The following RYR3 variants were observed in gnomAD, a reference collection of about 807,000 sequenced individuals.
RYR3 encodes the protein ryanodine receptor 3.
Under a neutral mutation model 584.3 loss-of-function variants are expected in RYR3, and 207 were observed. The observed-to-expected ratio is 0.35, with a 90% CI of 0.32 to 0.40. The LOEUF is 0.40. RYR3 is among the 10% of genes least tolerant of loss of function. RYR3 has a pLI of 1.00. For missense variants in RYR3, 5,616 were observed against 6,089.2 expected, an observed-to-expected ratio of 0.92 and a Z score of 2.59; for synonymous variants, 2,416 against 2,248.5, an observed-to-expected ratio of 1.07 and a Z score of -2.11.
intron 10 of RYR3, among the ~76,000 whole-genome samples, chr15:33,555,210 A>T (rs994149180): frequency 1.3e-5 from 2 of 152,190 alleles, no homozygotes; most frequent in African/African-American, 4.8e-5. Flanking sequence ...TTGCAGCCAC[A>T]GCACCCCTAA....
rs776277983 is a variant in RYR3 at position 33,566,646 on chromosome 15, C to T, written c.1147-32C>T. 6 of 1,612,174 alleles carry T rather than the reference C, an allele frequency of 3.7e-6. No homozygotes were observed. The South Asian group carries it at 6.6e-5, about 18-fold the overall frequency. On this transcript the variant is annotated intron_variant, in intron 11 of 103. Transcript: ENST00000634891. Reference sequence around the variant, plus strand: ...CTGCCCATATGTGGAATAATTGTAACCTAGAGCTCCCGTCCCTTGCCCTGT... The same window carrying T: ...CTGCCCATATGTGGAATAATTGTAATCTAGAGCTCCCGTCCCTTGCCCTGT...
intron 94 of RYR3, chr15:33,849,818 T>C (rs1451662235): frequency 6.6e-6 from 1 of 152,174 alleles, no homozygotes; most frequent in African/African-American, 2.4e-5. Context: ...TTTATTTCTT[T>C]ATATTCTCCA....
chr15:33,682,433 T>C lies in RYR3; in HGVS notation c.5860+11877T>C, dbSNP rs146837742. On this transcript the variant is annotated intron_variant, in intron 38 of 103. Coordinates refer to ENST00000634891, the MANE Select transcript of RYR3 (RefSeq NM_001036.6). Reference sequence around the variant, plus strand: ...ATACAGTGCCTTGGAAATATTTCCATTCTGAGTTAGCCTGAATAATCATTT... The same window carrying C: ...ATACAGTGCCTTGGAAATATTTCCACTCTGAGTTAGCCTGAATAATCATTT... Among the ~76,000 whole-genome samples, 481 of 152,270 alleles carry C rather than the reference T, an allele frequency of 3.2e-3. 4 individuals are homozygous for C. The highest frequency in any genetic ancestry group is 0.011 in the African/African-American group (468 of 41,552).
chr15:33,540,674 G>C, intron 6 of RYR3, 117 bp from the exon 7 acceptor site: 2 of 667,156 alleles, frequency 3.0e-6, no homozygotes, highest in East Asian at 2.7e-5. Context: ...AGGCTGTATA[G>C]AAAGAACCAG....
At chr15:33,601,259 C>A (rs2059646422) in intron 16 of RYR3, among the ~76,000 whole-genome samples, 160 bp from the exon 17 acceptor site, 1 of 152,164 alleles carries the variant, frequency 6.6e-6, no homozygotes, top group Non-Finnish European at 1.5e-5. Flanking sequence ...ATCACTCGCT[C>A]CTTCTGGGTA....
At chr15:33,833,631 G>C (rs553761693) in intron 86 of RYR3, among the ~76,000 whole-genome samples, 49 of 152,324 alleles carry the variant, frequency 3.2e-4, no homozygotes, top group Admixed American at 4.6e-4. Context: ...CTTATCTTCA[G>C]AACTTCCCAT....
chr15:33,629,816 C>T, intron 21 of RYR3, 124 bp from the exon 22 acceptor site: 1 of 581,194 alleles, frequency 1.7e-6, no homozygotes, highest in Non-Finnish European at 3.1e-6. Context: ...TAGCAAGTTG[C>T]TGTCTTTCTC....
rs935026679 is a variant in RYR3, at chr15:33,700,400, G to A, written c.6379+567G>A. 1.4e-4 allele frequency among the ~76,000 whole-genome samples: 21 copies of A among 152,346 alleles called. No individual in the cohort carries two copies. In the South Asian group the frequency reaches 1.9e-3, roughly 14 times the overall value. The stretch of plus-strand genomic sequence containing the variant: ...CTTACTCACTGTTCTGGGTATAAAC[G>A]AAATGAATGTGTGTAATACACAAAT... On this transcript the variant is annotated intron_variant, in intron 41 of 103. Transcript: ENST00000634891.
In RYR3 at chr15:33,602,733, C is replaced by CTTTTT. The variant is rs10578832; in HGVS notation, c.1923-365_1923-361dup. On this transcript the variant is annotated intron_variant, in intron 17 of 103. Transcript: ENST00000634891. ...TTGAGGGTCCTAAGCTTTTTCTAGT[C>CTTTTT]TTTTTTTTTTTTTTTTTTTTTTTTT... Among the ~76,000 whole-genome samples the CTTTTT allele has an allele frequency of 1.2e-4, 9 of 75,232 alleles. 2 individuals are homozygous for CTTTTT. The highest frequency in any genetic ancestry group is 5.1e-4 in the East Asian group (1 of 1,948). 49.4% of individuals were successfully genotyped at this position (75,232 alleles called of 152,430 possible).
chr15:33,598,203 A>T (rs1254735951), intron 16 of RYR3, among the ~76,000 whole-genome samples: 1 of 146,654 alleles, frequency 6.8e-6, no homozygotes, highest in East Asian at 2.0e-4. Context: ...AAAAAATCAG[A>T]TGAAAATGGA....
intron 43 of RYR3, among the ~76,000 whole-genome samples, chr15:33,713,285 T>C (rs147448179): frequency 2.6e-5 from 4 of 151,832 alleles, no homozygotes; most frequent in Admixed American, 6.6e-5. Context: ...GGAATTGTGA[T>C]AGTGGGTGAT....
At chr15:33,363,481 G>A (rs537243783) in intron 1 of RYR3, among the ~76,000 whole-genome samples, 4 of 152,304 alleles carry the variant, frequency 2.6e-5, no homozygotes, top group African/African-American at 4.8e-5. Flanking sequence ...TGGCATGGAA[G>A]CTCCTAGGAT....
At chr15:33,499,968 G>T (rs533685067) in intron 2 of RYR3, among the ~76,000 whole-genome samples, 2 of 152,312 alleles carry the variant, frequency 1.3e-5, no homozygotes, top group South Asian at 4.1e-4. Context: ...TGAATAACAG[G>T]CAGGAGACTT....
chr15:33,600,114 T>C (rs1251019140), intron 16 of RYR3, among the ~76,000 whole-genome samples: 3 of 152,264 alleles, frequency 2.0e-5, no homozygotes, highest in Admixed American at 2.0e-4. Flanking sequence ...TTTCATAGAG[T>C]GCTAATGGTA....
Position 33,459,881 on chromosome 15 carries a change from C to T in RYR3, c.52-13538C>T, listed in dbSNP as rs577951979. Among the ~76,000 whole-genome samples, 8 of 152,064 alleles carry T rather than the reference C, an allele frequency of 5.3e-5. No homozygotes were observed. The South Asian group carries it at 1.5e-3, about 28-fold the overall frequency. ...TTGCAAGTGAGGATTCAAAGCCAGACATGATTATATTTAAAAGGAAAAAAG... is the reference window on the plus strand; with the variant it reads ...TTGCAAGTGAGGATTCAAAGCCAGATATGATTATATTTAAAAGGAAAAAAG... On this transcript the variant is annotated intron_variant, in intron 1 of 103. Coordinates refer to ENST00000634891, the MANE Select transcript of RYR3 (RefSeq NM_001036.6).
At chr15:33,656,984 G>A (rs536649709) in intron 32 of RYR3, among the ~76,000 whole-genome samples, 45 of 151,504 alleles carry the variant, frequency 3.0e-4, no homozygotes, top group African/African-American at 9.9e-4. Flanking sequence ...GCCTTTTGCC[G>A]TGCAACATAG....
Position 33,452,741 on chromosome 15 carries a change from G to A in RYR3, c.52-20678G>A, listed in dbSNP as rs140526377. Among the ~76,000 whole-genome samples, 436 of 152,290 alleles carry A rather than the reference G, an allele frequency of 2.9e-3. 4 individuals carry two copies. Among genetic ancestry groups the A allele is most frequent in the African/African-American group, 1.0e-2 (414 of 41,564 alleles). On this transcript the variant is annotated intron_variant, in intron 1 of 103. Coordinates refer to ENST00000634891, the MANE Select transcript of RYR3 (RefSeq NM_001036.6). ...AAATTGCCAAAAGTTACATGGTGAGGTTCAGGGAGAAGATTCCAACCCAAA... is the reference window on the plus strand; with the variant it reads ...AAATTGCCAAAAGTTACATGGTGAGATTCAGGGAGAAGATTCCAACCCAAA...
chr15:33,820,729 C>G (rs183759329), intron 77 of RYR3, 27 bp from the exon 78 acceptor site: 1 of 1,587,744 alleles, frequency 6.3e-7, no homozygotes. Flanking sequence ...TGTCTGTCTT[C>G]TCCCTTCCCT....
Position 33,826,635 on chromosome 15 carries a change from G to A in RYR3, c.11165-37G>A, listed in dbSNP as rs182525969. On this transcript the variant is annotated intron_variant, in intron 83 of 103. Coordinates refer to ENST00000634891, the MANE Select transcript of RYR3 (RefSeq NM_001036.6). Reference sequence around the variant, plus strand: ...ATTAGAAAGTATTCTCTGGTGAGAAGCCAAACCAATGCTCATCAACGTTCT... The same window carrying A: ...ATTAGAAAGTATTCTCTGGTGAGAAACCAAACCAATGCTCATCAACGTTCT... 3.9e-6 allele frequency: 6 copies of A among 1,535,158 alleles called. No individual in the cohort carries two copies. In the African/African-American group the frequency reaches 8.2e-5, roughly 21 times the overall value.
Sources: allele counts gnomAD v4.1 joint callset (sites outside exome capture counted in the v4.1 genomes callset), GRCh38; gene constraint gnomAD v4.1.1; transcripts MANE v1.5; gene names NCBI Gene and HGNC (gene_info 2026-07-23, HGNC 2026-07-21).